The following CAMKK1 variants were observed in gnomAD, a reference collection of about 807,000 sequenced individuals.
CAMKK1 encodes calcium/calmodulin-dependent protein kinase kinase 1.
CAMKK1 carries 20 observed loss-of-function variants against 63.5 expected under a neutral mutation model. The observed-to-expected ratio is 0.32, with a 90% CI of 0.22 to 0.46. The LOEUF (loss-of-function observed/expected upper bound fraction) is 0.46. CAMKK1 is among the 20% of genes least tolerant of loss of function. CAMKK1 has a pLI of 1.00. For synonymous variants in CAMKK1, 253 were observed against 269.0 expected (o/e 0.94, Z 0.58); for missense variants, 588 against 658.1 (o/e 0.89, Z 1.17).
Position 3,862,997 on chromosome 17 carries a change from T to G in CAMKK1, c.1446-714A>C, listed in dbSNP as rs1156788992. Among the ~76,000 whole-genome samples, 1 of 152,198 alleles carries G rather than the reference T, an allele frequency of 6.6e-6. No homozygotes were observed. Among genetic ancestry groups the G allele is most frequent in the Admixed American group, 6.5e-5 (1 of 15,276 alleles). On this transcript the variant is annotated intron_variant, in intron 15 of 15. Transcript: ENST00000348335. This position sits in a 1 kb window ranked among gnomAD's most constrained non-coding sequence, Gnocchi z 4.1. ...GCAGATCTGGGTAGAGAGGCTTTCA[T>G]TTTGCATTTTTCTTTGCCTTGTTCA...
chr17:3,870,951 G>A (rs2054820671), intron 12 of CAMKK1, among the ~76,000 whole-genome samples: 2 of 152,174 alleles, frequency 1.3e-5, no homozygotes, highest in Admixed American at 1.3e-4. Flanking sequence ...AGGGAGTGAG[G>A]CGGCCCCAGA....
Position 3,862,048 on chromosome 17 carries a change from T to G in CAMKK1, c.*163A>C, listed in dbSNP as rs1360451829. 15 of 622,240 alleles carry G rather than the reference T, an allele frequency of 2.4e-5. No individual in the cohort carries two copies. The highest frequency in any genetic ancestry group is 4.0e-5 in the Non-Finnish European group (14 of 349,556). The allele number at this position is 622,240 out of a possible 1,614,324, so 38.5% of individuals were successfully genotyped here. On this transcript the variant is annotated 3_prime_UTR_variant, in exon 16 of 16. Coordinates refer to ENST00000348335, the MANE Select transcript of CAMKK1 (RefSeq NM_032294.3). The surrounding 1 kb of genome is among the most constrained non-coding windows in gnomAD (Gnocchi z 4.1). ...AATGACATACATTCCAGTCTGTCCC[T>G]GGACGTGCGTGCGTGGAGGTCATGC...
intron 12 of CAMKK1, among the ~76,000 whole-genome samples, chr17:3,871,523 T>C (rs1437690661): frequency 6.9e-6 from 1 of 144,448 alleles, no homozygotes; most frequent in Non-Finnish European, 1.5e-5. Flanking sequence ...CCCGGCTAAT[T>C]TTTTTTCTAT....
At position 3,869,574 on chromosome 17, in the gene CAMKK1, A is replaced by C. The variant is rs2054746149; in HGVS notation, c.1254T>G (p.Pro418=). Reference sequence around the variant, plus strand: ...CCACGCTGCAGTGCTCCTCCTCCGAAGGAAGGGGCTCCTCCCCGTTCTTGG... The same window carrying C: ...CCACGCTGCAGTGCTCCTCCTCCGACGGAAGGGGCTCCTCCCCGTTCTTGG... ...WVTKNGEEPL[P]SEEEHCSVVE... is the part of the protein sequence containing the mutation. Residue 418 remains proline (P), a synonymous_variant, in exon 14 of 16, where the codon CCT becomes CCG. Coordinates refer to ENST00000348335, the MANE Select transcript of CAMKK1 (RefSeq NM_032294.3). The C allele has an allele frequency of 6.2e-7, 1 of 1,614,180 alleles. No individual in the cohort carries two copies. The highest frequency in any genetic ancestry group is 8.5e-7 in the Non-Finnish European group (1 of 1,180,024).
At position 3,882,013 on chromosome 17, in the gene CAMKK1, T is replaced by G; in HGVS notation, c.686-365A>C. 1 of 527,358 alleles carries G rather than the reference T, an allele frequency of 1.9e-6. No individual in the cohort carries two copies. The highest frequency in any genetic ancestry group is 3.3e-6 in the Non-Finnish European group (1 of 299,346). The allele number at this position is 527,358 out of a possible 1,614,324, so 32.7% of individuals were successfully genotyped here. ...CAGCCTCTAATTCCTAAGCCAGTTC[T>G]TCTTCTGCCCCATTTTCTGAGGCCT... On this transcript the variant is annotated intron_variant, in intron 7 of 15. Transcript: ENST00000348335. This position sits in a 1 kb window ranked among gnomAD's most constrained non-coding sequence, Gnocchi z 4.3.
chr17:3,891,494 G>A (rs192457042), intron 1 of CAMKK1, among the ~76,000 whole-genome samples: 11 of 152,308 alleles, frequency 7.2e-5, no homozygotes, highest in African/African-American at 2.4e-4. Context: ...GTAGTTATCT[G>A]GGGAAGAGCA....
chr17:3,867,720 G>T (rs1390738256), intron 14 of CAMKK1, among the ~76,000 whole-genome samples: 9 of 152,136 alleles, frequency 5.9e-5, no homozygotes, highest in Non-Finnish European at 1.3e-4. Context: ...CTGCAGAGGG[G>T]GATAAAGTGC....
chr17:3,867,642 G>A (rs901262917), intron 14 of CAMKK1, among the ~76,000 whole-genome samples: 3 of 152,090 alleles, frequency 2.0e-5, no homozygotes, highest in South Asian at 2.1e-4. Context: ...TGGTTCCAGC[G>A]ACCCCACAGA....
At position 3,883,516 on chromosome 17, in the gene CAMKK1, A is replaced by C; in HGVS notation, c.463-36T>G. Reference sequence around the variant, plus strand: ...AGGGACAGAAATGTCACTACTGTGCAGCCACCAGGGGCTAGAACAGGCTGG... The same window carrying C: ...AGGGACAGAAATGTCACTACTGTGCCGCCACCAGGGGCTAGAACAGGCTGG... On this transcript the variant is annotated intron_variant, in intron 4 of 15. Transcript: ENST00000348335. The surrounding 1 kb of genome is among the most constrained non-coding windows in gnomAD (Gnocchi z 4.7). 6.5e-7 allele frequency: 1 copy of C among 1,545,670 alleles called. No homozygotes were observed. Among genetic ancestry groups the C allele is most frequent in the South Asian group, 1.1e-5 (1 of 89,748 alleles).
At chr17:3,888,344 G>T (rs1216485709) in intron 1 of CAMKK1, among the ~76,000 whole-genome samples, 1 of 152,188 alleles carries the variant, frequency 6.6e-6, no homozygotes, top group African/African-American at 2.4e-5. Context: ...TGGGCCCGGG[G>T]TCACCCAGCA....
Position 3,876,366 on chromosome 17 carries a change from C to G in CAMKK1, c.853G>C (p.Asp285His). 6.2e-7 allele frequency: 1 copy of G among 1,614,192 alleles called. No homozygotes were observed. The highest frequency in any genetic ancestry group is 8.5e-7 in the Non-Finnish European group (1 of 1,180,024). ...TCGGCGATCTTCACGTGCCCATCATCCCCCAGGAGCAGGTTGGATGGCTTG... is the reference window on the plus strand; with the variant it reads ...TCGGCGATCTTCACGTGCCCATCATGCCCCAGGAGCAGGTTGGATGGCTTG... ...DIKPSNLLLG[D>H]DGHVKIADFG... Residue 285 changes from aspartate to histidine, a missense_variant, in exon 10 of 16, where the codon GAT (aspartate) becomes CAT (histidine). Asp to His is a moderately conservative substitution (Grantham distance 81). Transcript: ENST00000348335.
Position 3,876,324 on chromosome 17 carries a change from G to C in CAMKK1, c.895C>G (p.Gln299Glu). The C allele has an allele frequency of 6.2e-7, 1 of 1,614,208 alleles. No homozygotes were observed. Among genetic ancestry groups the C allele is most frequent in the Non-Finnish European group, 8.5e-7 (1 of 1,180,032 alleles). Residue 299 changes from glutamine (Q) to glutamate (E), a missense_variant, in exon 10 of 16, where the codon CAG becomes GAG. Physicochemically the swap from Gln to Glu is conservative, Grantham distance 29. Coordinates refer to ENST00000348335, the MANE Select transcript of CAMKK1 (RefSeq NM_032294.3). ...VKIADFGVSNQFEGNDAQLSS... is the reference protein window; with the variant it reads ...VKIADFGVSNEFEGNDAQLSS... The stretch of plus-strand genomic sequence containing the variant: ...AGCTGAGCGTCGTTCCCCTCAAACT[G>C]GTTGCTGACGCCAAAGTCGGCGATC...
intron 12 of CAMKK1, among the ~76,000 whole-genome samples, chr17:3,871,358 T>TG (rs2054854621): frequency 9.8e-6 from 1 of 102,440 alleles, no homozygotes; most frequent in Non-Finnish European, 1.8e-5. Context: ...TTTTTTTTTT[T>TG]TTTTTTTTTT....
Position 3,866,031 on chromosome 17 carries a change from G to C in CAMKK1, c.1342-20C>G, listed in dbSNP as rs556365899. 1.2e-6 allele frequency: 2 copies of C among 1,612,322 alleles called. No individual in the cohort carries two copies. Among genetic ancestry groups the C allele is most frequent in the Non-Finnish European group, 1.7e-6 (2 of 1,179,230 alleles). ...CAGGATCTGAGGAGGACAAGGCAGCGTGAGGAGCACAGGTCCCAGGCTCCC... is the reference window on the plus strand; with the variant it reads ...CAGGATCTGAGGAGGACAAGGCAGCCTGAGGAGCACAGGTCCCAGGCTCCC... On this transcript the variant is annotated intron_variant, in intron 14 of 15. Coordinates refer to ENST00000348335, the MANE Select transcript of CAMKK1 (RefSeq NM_032294.3).
chr17:3,884,044 C>T lies in CAMKK1; in HGVS notation c.409-107G>A, dbSNP rs918414723. 4.8e-6 allele frequency: 5 copies of T among 1,047,020 alleles called. No individual in the cohort carries two copies. The highest frequency in any genetic ancestry group is 7.3e-6 in the Non-Finnish European group (5 of 688,030). 64.9% of individuals were successfully genotyped at this position (1,047,020 alleles called of 1,614,324 possible). On this transcript the variant is annotated intron_variant, in intron 3 of 15. Coordinates refer to ENST00000348335, the MANE Select transcript of CAMKK1 (RefSeq NM_032294.3). The surrounding 1 kb of genome is among the most constrained non-coding windows in gnomAD (Gnocchi z 4.5). ...TCTGGTCTCTCCTGCACCCCATCTGCACTACCCACCACCAGCTGGCTCACG... is the reference window on the plus strand; with the variant it reads ...TCTGGTCTCTCCTGCACCCCATCTGTACTACCCACCACCAGCTGGCTCACG...
chr17:3,870,830 G>A (rs1015277516), intron 12 of CAMKK1, among the ~76,000 whole-genome samples: 2 of 152,090 alleles, frequency 1.3e-5, no homozygotes, highest in African/African-American at 2.4e-5. Flanking sequence ...CCCTCAGCAG[G>A]GGGTATAGCA....
rs371110577 is a variant in CAMKK1, at chr17:3,869,877, C to A, written c.1136G>T (p.Ser379Ile). The change falls in exon 13 of 16, where the codon AGC (serine) becomes ATC (isoleucine). Residue 379 changes from serine (S) to isoleucine (I), a missense_variant. Transcript: ENST00000348335. The part of the protein sequence containing the change: ...PVVFPEEPEI[S>I]EELKDLILKM... ...CAGGATCAGGTCCTTGAGCTCCTCG[C>A]TGATTTCTGGCCTGGAGAGGGCGAA... The A allele has an allele frequency of 1.2e-5, 19 of 1,614,248 alleles. No homozygotes were observed. Among genetic ancestry groups the A allele is most frequent in the Non-Finnish European group, 1.5e-5 (18 of 1,180,034 alleles).
At chr17:3,868,045 A>G (rs62070439) in intron 14 of CAMKK1, among the ~76,000 whole-genome samples, 3,185 of 46,816 alleles carry the variant, frequency 0.068, 191 homozygotes, top group African/African-American at 0.14. Flanking sequence ...TAACTGATAC[A>G]CAGGATCTGG....
In CAMKK1 at chr17:3,887,751, G is replaced by A. The variant is rs2055718208; in HGVS notation, c.-43-2021C>T. On this transcript the variant is annotated intron_variant, in intron 1 of 15. Transcript: ENST00000348335. This position sits in a 1 kb window ranked among gnomAD's most constrained non-coding sequence, Gnocchi z 6.1. Reference sequence around the variant, plus strand: ...CTGGAGGAGGTGAGAGGGACAGTGAGTGGGGCTGGAGCTTCGGGGAGAGCT... The same window carrying A: ...CTGGAGGAGGTGAGAGGGACAGTGAATGGGGCTGGAGCTTCGGGGAGAGCT... 3.9e-5 allele frequency among the ~76,000 whole-genome samples: 6 copies of A among 152,148 alleles called. No homozygotes were observed. The highest frequency in any genetic ancestry group is 2.0e-4 in the Admixed American group (3 of 15,286).
Sources: gnomAD v4.1 joint callset for allele counts (sites outside exome capture counted in the v4.1 genomes callset) on GRCh38, gnomAD v4.1.1 for gene constraint, Gnocchi (gnomAD v3.1) non-coding constraint, MANE v1.5 for transcripts, NCBI Gene and HGNC (gene_info 2026-07-23, HGNC 2026-07-21) for gene names.